Variants in ARSB observed in about 807,000 individuals in gnomAD.
ARSB encodes the protein arylsulfatase B.
Under a neutral mutation model 50.9 loss-of-function variants are expected in ARSB, and 41 were observed. The observed-to-expected ratio is 0.81, with a 90% CI of 0.63 to 1.04. The LOEUF is 1.04. Among genes scored for constraint, ARSB ranks in the 50% least tolerant of loss-of-function variants. The probability of loss-of-function intolerance (pLI) is 0.00; values close to 1 mark genes in which losing one functional copy is unlikely to be tolerated. For missense variants in ARSB, 672 were observed against 693.3 expected, an observed-to-expected ratio of 0.97 and a Z score of 0.35; for synonymous variants, 269 against 284.8, an observed-to-expected ratio of 0.94 and a Z score of 0.56.
At chr5:78,792,580 C>T (rs1460266966) in intron 6 of ARSB, among the ~76,000 whole-genome samples, 1 of 152,146 alleles carries the variant, frequency 6.6e-6, no homozygotes, top group African/African-American at 2.4e-5. Context: ...CTCTGAGTTC[C>T]TGTTTCCTTG....
rs536944159 is a variant in ARSB, at chr5:78,967,537, G to A, written c.499+1469C>T. ...AAAATATAAAAATTAGCTGAGCGTG[G>A]TGGCACACACCTATAATCCCAGCTA... On this transcript the variant is annotated intron_variant, in intron 2 of 7. Coordinates refer to ENST00000264914, the MANE Select transcript of ARSB (RefSeq NM_000046.5). 3.9e-5 allele frequency among the ~76,000 whole-genome samples: 6 copies of A among 152,148 alleles called. No individual in the cohort carries two copies. The South Asian group carries it at 1.2e-3, about 32-fold the overall frequency.
At chr5:78,896,714 T>C (rs1039018037) in intron 4 of ARSB, among the ~76,000 whole-genome samples, 1 of 152,208 alleles carries the variant, frequency 6.6e-6, no homozygotes, top group African/African-American at 2.4e-5. Context: ...GCAACTATAA[T>C]GATAGGAAAA....
intron 4 of ARSB, among the ~76,000 whole-genome samples, chr5:78,935,197 G>T (rs945582653): frequency 1.3e-5 from 2 of 152,002 alleles, no homozygotes; most frequent in Admixed American, 6.6e-5. Context: ...ATGAAGAAAA[G>T]AAGAAAGTAT....
intron 4 of ARSB, among the ~76,000 whole-genome samples, chr5:78,941,565 T>G (rs1169548653): frequency 1.3e-5 from 2 of 152,264 alleles, no homozygotes; most frequent in African/African-American, 2.4e-5. Context: ...TTTGGTTCTC[T>G]TTATATGCTG....
At chr5:78,863,415 T>A (rs1299712267) in intron 5 of ARSB, among the ~76,000 whole-genome samples, 1 of 152,130 alleles carries the variant, frequency 6.6e-6, no homozygotes, top group Non-Finnish European at 1.5e-5. Context: ...CACCATGGAA[T>A]ACTGTACAGC....
chr5:78,838,636 G>A (rs760718628), intron 6 of ARSB, among the ~76,000 whole-genome samples: 7 of 152,214 alleles, frequency 4.6e-5, no homozygotes, highest in African/African-American at 1.7e-4. Context: ...TTTGCAAGAT[G>A]AGCATTATGA....
chr5:78,932,685 T>C (rs1006173634), intron 4 of ARSB, among the ~76,000 whole-genome samples: 18 of 152,230 alleles, frequency 1.2e-4, no homozygotes, highest in African/African-American at 4.3e-4. Context: ...ACCTACTTCT[T>C]CATCTAGAAA....
chr5:78,980,165 C>T (rs1752842008), intron 1 of ARSB, among the ~76,000 whole-genome samples: 1 of 152,152 alleles, frequency 6.6e-6, no homozygotes, highest in Admixed American at 6.5e-5. Context: ...ATTGGTTACA[C>T]AACCTTGTGA....
At chr5:78,942,728 G>C (rs980932829) in intron 4 of ARSB, among the ~76,000 whole-genome samples, 1 of 152,150 alleles carries the variant, frequency 6.6e-6, no homozygotes, top group Non-Finnish European at 1.5e-5. Context: ...AATAGGTGTG[G>C]TGTGGTGCTG....
At chr5:78,873,727 C>T (rs886499960) in intron 5 of ARSB, among the ~76,000 whole-genome samples, 77 of 151,744 alleles carry the variant, frequency 5.1e-4, no homozygotes, top group African/African-American at 1.8e-3. Flanking sequence ...GATCTCCTGA[C>T]CTTGTGATCC....
chr5:78,965,190 CTT>C (rs1401796639), intron 2 of ARSB, among the ~76,000 whole-genome samples: 1 of 152,130 alleles, frequency 6.6e-6, no homozygotes. Flanking sequence ...TGAAATAAGA[CTT>C]TTCTACCTAA....
In ARSB at chr5:78,834,290, T is replaced by C. The variant is rs570239486; in HGVS notation, c.1213+5066A>G. Among the ~76,000 whole-genome samples the C allele has an allele frequency of 2.0e-5, 3 of 152,172 alleles. No homozygotes were observed. The East Asian group carries it at 5.8e-4, about 29-fold the overall frequency. The stretch of plus-strand genomic sequence containing the variant: ...AATACAAACAACATAAAATTTACTA[T>C]CCTAACCACTTTTAATTGTATGGTC... On this transcript the variant is annotated intron_variant, in intron 6 of 7. Transcript: ENST00000264914.
intron 2 of ARSB, among the ~76,000 whole-genome samples, chr5:78,965,498 G>A (rs976272075): frequency 6.6e-6 from 1 of 152,082 alleles, no homozygotes; most frequent in Non-Finnish European, 1.5e-5. Context: ...TTGCTGAGGT[G>A]GATGAGTTTC....
intron 6 of ARSB, among the ~76,000 whole-genome samples, chr5:78,824,916 C>T (rs1447921190): frequency 1.3e-5 from 2 of 152,152 alleles, no homozygotes; most frequent in Non-Finnish European, 2.9e-5. Context: ...TGCATTTTGA[C>T]AGATGTGGTT....
intron 6 of ARSB, among the ~76,000 whole-genome samples, chr5:78,800,173 C>T (rs540672150): frequency 2.6e-5 from 4 of 152,132 alleles, no homozygotes; most frequent in South Asian, 4.2e-4. Context: ...CAAAAATTAG[C>T]TGGGCGTGGT....
intron 6 of ARSB, 66 bp downstream of exon 6, chr5:78,839,290 C>G (rs974390893): frequency 2.1e-6 from 3 of 1,449,508 alleles, no homozygotes; most frequent in Non-Finnish European, 2.9e-6. Context: ...TAGAGACACA[C>G]TAGGTAATCA....
intron 4 of ARSB, among the ~76,000 whole-genome samples, chr5:78,906,108 CTG>C (rs1223972602): frequency 4.0e-5 from 6 of 151,570 alleles, no homozygotes; most frequent in Non-Finnish European, 8.8e-5. Context: ...AGTCTGGACA[CTG>C]TGGCTCACAC....
At chr5:78,867,075 G>A (rs572421355) in intron 5 of ARSB, among the ~76,000 whole-genome samples, 60 of 152,228 alleles carry the variant, frequency 3.9e-4, no homozygotes, top group East Asian at 1.4e-3. Flanking sequence ...CTGGAAAATC[G>A]GGTCACTCCC....
intron 2 of ARSB, among the ~76,000 whole-genome samples, chr5:78,967,452 G>A (rs908407468): frequency 1.3e-5 from 2 of 151,954 alleles, no homozygotes; most frequent in Admixed American, 1.3e-4. Flanking sequence ...AGATGGGTGG[G>A]TCACGAGGTC....
Sources: gnomAD v4.1 joint callset for allele counts (sites outside exome capture counted in the v4.1 genomes callset) on GRCh38, gnomAD v4.1.1 for gene constraint, MANE v1.5 for transcripts, NCBI Gene and HGNC (gene_info 2026-07-23, HGNC 2026-07-21) for gene names.